The following SLC4A10 variants were observed in gnomAD, a reference collection of about 807,000 sequenced individuals.
The protein encoded by SLC4A10 is solute carrier family 4 member 10.
In SLC4A10, 42 loss-of-function variants were observed where a neutral mutation model predicts 137.7. The ratio of observed to expected loss-of-function variants is 0.30; its 90% confidence interval spans 0.24 to 0.39. The LOEUF is 0.39. Among genes scored for constraint, SLC4A10 ranks in the 10% least tolerant of loss-of-function variants. SLC4A10 has a pLI of 1.00. For missense variants in SLC4A10, 925 were observed against 1,355.0 expected, an observed-to-expected ratio of 0.68 and a Z score of 4.98; for synonymous variants, 474 against 464.1, an observed-to-expected ratio of 1.02 and a Z score of -0.27.
chr2:161,628,178 A>G (rs1176466039), intron 1 of SLC4A10, among the ~76,000 whole-genome samples: 1 of 152,052 alleles, frequency 6.6e-6, no homozygotes, highest in Non-Finnish European at 1.5e-5. Context: ...GAGTAACCTA[A>G]CAATTTAAAA....
chr2:161,754,948 G>A (rs2049437821), intron 1 of SLC4A10, among the ~76,000 whole-genome samples: 1 of 152,086 alleles, frequency 6.6e-6, no homozygotes, highest in Non-Finnish European at 1.5e-5. Context: ...TCAAAAGCAG[G>A]CAAGTTGGCA....
At chr2:161,650,002 A>G (rs1188016409) in intron 1 of SLC4A10, among the ~76,000 whole-genome samples, 6 of 152,214 alleles carry the variant, frequency 3.9e-5, no homozygotes, top group Non-Finnish European at 2.9e-5. Context: ...CTAAGGAATT[A>G]ACATTGGTGT....
intron 4 of SLC4A10, among the ~76,000 whole-genome samples, chr2:161,841,972 A>G (rs866285109): frequency 2.8e-4 from 43 of 152,218 alleles, no homozygotes; most frequent in Middle Eastern, 3.4e-3. Flanking sequence ...TATCTTTTCC[A>G]CTTCATATAT....
Position 161,624,505 on chromosome 2 carries a change from A to G in SLC4A10, c.-14A>G, listed in dbSNP as rs770014394. 7.1e-6 allele frequency: 11 copies of G among 1,553,008 alleles called. No individual in the cohort carries two copies. Among genetic ancestry groups the G allele is most frequent in the Admixed American group, 2.0e-5 (1 of 51,110 alleles). ...CTGCAGAGCAAGGTGCTTATTCCAG[A>G]GGCGTTACAAAACATGGAGATTAAA... On this transcript the variant is annotated 5_prime_UTR_variant, in exon 1 of 27. Coordinates refer to ENST00000446997, the MANE Select transcript of SLC4A10 (RefSeq NM_001178015.2).
intron 15 of SLC4A10, among the ~76,000 whole-genome samples, chr2:161,928,075 A>G (rs1337674550): frequency 2.6e-4 from 39 of 151,088 alleles, no homozygotes; most frequent in Admixed American, 2.5e-3. Context: ...ATGCACACGT[A>G]TGTTTATTGT....
rs540462505 is a variant in SLC4A10, at chr2:161,903,655, G to T, written c.1443-349G>T. 3.2e-3 allele frequency among the ~76,000 whole-genome samples: 493 copies of T among 152,292 alleles called. 1 individual carries two copies. Among genetic ancestry groups the T allele is most frequent in the African/African-American group, 0.011 (470 of 41,556 alleles). The stretch of plus-strand genomic sequence containing the variant: ...GAAATACTGCCAATGATTGAGGGTT[G>T]TAGGCCTGAGTTTAGGAGGAGTAGG... On this transcript the variant is annotated intron_variant, in intron 12 of 26. Transcript: ENST00000446997.
At chr2:161,824,808 G>A (rs780175058) in intron 3 of SLC4A10, among the ~76,000 whole-genome samples, 4 of 152,054 alleles carry the variant, frequency 2.6e-5, no homozygotes, top group African/African-American at 7.2e-5. Context: ...TTAGAGAAAT[G>A]AAAAAGCGAA....
At position 161,708,562 on chromosome 2, in the gene SLC4A10, C is replaced by G. The variant is rs2043936025; in HGVS notation, c.49-62411C>G. ...ACAGCATCAGCAAATACAACTGTGT[C>G]AGTCTCTCTTAGTATGGGGTGTTTG... On this transcript the variant is annotated intron_variant, in intron 1 of 26. Coordinates refer to ENST00000446997, the MANE Select transcript of SLC4A10 (RefSeq NM_001178015.2). 23 of 886,360 alleles carry G rather than the reference C, an allele frequency of 2.6e-5. No homozygotes were observed. The South Asian group carries it at 4.7e-4, about 18-fold the overall frequency. The allele number at this position is 886,360 out of a possible 1,614,324, so 54.9% of individuals were successfully genotyped here. A position where few individuals can be genotyped will look rare whatever the true frequency, so the allele number is the denominator to read the frequency against.
intron 1 of SLC4A10, among the ~76,000 whole-genome samples, chr2:161,641,344 C>G (rs750856468): frequency 6.6e-6 from 1 of 152,020 alleles, no homozygotes; most frequent in Non-Finnish European, 1.5e-5. Flanking sequence ...AAGAACTGAC[C>G]AAAAGTCATA....
chr2:161,836,546 A>AGAGAGAG (rs2058797375), intron 3 of SLC4A10, among the ~76,000 whole-genome samples: 1 of 42,766 alleles, frequency 2.3e-5, no homozygotes, highest in Non-Finnish European at 4.8e-5. Context: ...GAAAGAAAGA[A>AGAGAGAG]AGAAAGAAAG....
intron 1 of SLC4A10, among the ~76,000 whole-genome samples, chr2:161,770,415 T>C (rs1195657036): frequency 6.6e-6 from 1 of 151,886 alleles, no homozygotes; most frequent in Non-Finnish European, 1.5e-5. Flanking sequence ...ATGCACATGA[T>C]CATAATTTAC....
At chr2:161,722,987 A>C (rs2045852648) in intron 1 of SLC4A10, among the ~76,000 whole-genome samples, 1 of 152,154 alleles carries the variant, frequency 6.6e-6, no homozygotes, top group Non-Finnish European at 1.5e-5. Flanking sequence ...ACTGTAGGGA[A>C]TTCCTCCAGG....
chr2:161,724,234 C>G (rs1005904795), intron 1 of SLC4A10, among the ~76,000 whole-genome samples: 1 of 152,190 alleles, frequency 6.6e-6, no homozygotes, highest in Non-Finnish European at 1.5e-5. Context: ...TGCCAGAGTA[C>G]TCCTTCTAAA....
chr2:161,736,694 A>G (rs891198591), intron 1 of SLC4A10, among the ~76,000 whole-genome samples: 1 of 152,134 alleles, frequency 6.6e-6, no homozygotes, highest in Non-Finnish European at 1.5e-5. Flanking sequence ...GGTCCCTCCC[A>G]TGACACATGG....
intron 1 of SLC4A10, among the ~76,000 whole-genome samples, chr2:161,642,618 T>C (rs576609266): frequency 1.9e-4 from 29 of 152,132 alleles, no homozygotes; most frequent in Admixed American, 3.9e-4. Flanking sequence ...ATTAACTCAA[T>C]TTCTGTTAAT....
chr2:161,657,363 T>C (rs982923986), intron 1 of SLC4A10, among the ~76,000 whole-genome samples: 2 of 152,106 alleles, frequency 1.3e-5, no homozygotes, highest in Non-Finnish European at 2.9e-5. Context: ...TTAATTCTTT[T>C]ATTTTCTACT....
chr2:161,881,977 G>C (rs961777456), intron 9 of SLC4A10, among the ~76,000 whole-genome samples: 1 of 151,732 alleles, frequency 6.6e-6, no homozygotes, highest in Non-Finnish European at 1.5e-5. Context: ...TCGCCATTTT[G>C]CATACAAGTG....
chr2:161,841,823 G>C (rs1487481760), intron 4 of SLC4A10, among the ~76,000 whole-genome samples: 1 of 152,184 alleles, frequency 6.6e-6, no homozygotes, highest in South Asian at 2.1e-4. Context: ...CTTATTCACA[G>C]TATCTCTTTT....
Position 161,764,836 on chromosome 2 carries a change from A to G in SLC4A10, c.49-6137A>G, listed in dbSNP as rs2050622328. Among the ~76,000 whole-genome samples the G allele has an allele frequency of 2.0e-5, 3 of 152,162 alleles. No homozygotes were observed. The South Asian group carries it at 6.2e-4, about 31-fold the overall frequency. On this transcript the variant is annotated intron_variant, in intron 1 of 26. Coordinates refer to ENST00000446997, the MANE Select transcript of SLC4A10 (RefSeq NM_001178015.2). Reference sequence around the variant, plus strand: ...TGCTATTGCTCTCTAATATTTGCTTAGTAAAATGTAACAATAAAAAAATTC... The same window carrying G: ...TGCTATTGCTCTCTAATATTTGCTTGGTAAAATGTAACAATAAAAAAATTC...
Sources: allele counts gnomAD v4.1 joint callset (sites outside exome capture counted in the v4.1 genomes callset), GRCh38; gene constraint gnomAD v4.1.1; transcripts MANE v1.5; gene names NCBI Gene and HGNC (gene_info 2026-07-23, HGNC 2026-07-21).